The following GIGYF2 variants were observed in gnomAD, a reference collection of about 807,000 sequenced individuals.
GIGYF2 encodes GRB10 interacting GYF protein 2.
GIGYF2 carries 25 observed loss-of-function variants against 208.1 expected under a neutral mutation model. The ratio of observed to expected loss-of-function variants is 0.12; its 90% confidence interval spans 0.09 to 0.17. The LOEUF (loss-of-function observed/expected upper bound fraction) is 0.17, where lower values mean the gene tolerates loss of function less well. Ranked by LOEUF, GIGYF2 falls within the 10% of genes least tolerant of loss-of-function variation. The probability of loss-of-function intolerance (pLI) is 1.00; values close to 1 mark genes in which losing one functional copy is unlikely to be tolerated. For missense variants in GIGYF2, 1,302 were observed against 1,579.4 expected (o/e 0.82, Z 2.98); for synonymous variants, 534 against 543.8 (o/e 0.98, Z 0.25).
At chr2:232,746,659 A>G (rs966820042) in intron 3 of GIGYF2, among the ~76,000 whole-genome samples, 5 of 152,184 alleles carry the variant, frequency 3.3e-5, no homozygotes, top group African/African-American at 1.2e-4. Context: ...CTTTAGAGGC[A>G]ACTTTTCTTA....
intron 5 of GIGYF2, among the ~76,000 whole-genome samples, chr2:232,750,516 A>C (rs1698298423): frequency 6.6e-6 from 1 of 152,230 alleles, no homozygotes; most frequent in African/African-American, 2.4e-5. Flanking sequence ...CTGTACTTCC[A>C]ACATCAAGTA....
At chr2:232,754,760 C>G (rs759230535) in intron 5 of GIGYF2, among the ~76,000 whole-genome samples, 1 of 151,856 alleles carries the variant, frequency 6.6e-6, no homozygotes, top group Non-Finnish European at 1.5e-5. Flanking sequence ...TTATTAAGTA[C>G]ATTTTATTAT....
chr2:232,804,759 C>A (rs756685639), intron 14 of GIGYF2, among the ~76,000 whole-genome samples: 25 of 152,194 alleles, frequency 1.6e-4, no homozygotes, highest in Non-Finnish European at 3.5e-4. Context: ...TCCTAAAATG[C>A]TGGAATTAGA....
intron 23 of GIGYF2, among the ~76,000 whole-genome samples, chr2:232,843,653 C>T (rs764845513): frequency 2.0e-5 from 3 of 151,094 alleles, no homozygotes; most frequent in Admixed American, 6.6e-5. Context: ...GTGGGCAGAT[C>T]GCTTGAGGCC....
chr2:232,709,136 A>T (rs1696267040), intron 2 of GIGYF2, among the ~76,000 whole-genome samples: 1 of 152,182 alleles, frequency 6.6e-6, no homozygotes, highest in South Asian at 2.1e-4. Flanking sequence ...AAAGAAAAAA[A>T]AGTTACTTGT....
intron 15 of GIGYF2, 31 bp from the exon 16 acceptor site, chr2:232,809,689 G>C: frequency 7.9e-7 from 1 of 1,269,940 alleles, no homozygotes; most frequent in Admixed American, 1.7e-5. Context: ...TTTATTTAAT[G>C]GTATTTATTT....
intron 2 of GIGYF2, among the ~76,000 whole-genome samples, chr2:232,712,211 A>G (rs1574777337): frequency 6.6e-6 from 1 of 152,186 alleles, no homozygotes; most frequent in African/African-American, 2.4e-5. Context: ...CTGGACACCC[A>G]TATTGTGTGC....
chr2:232,726,419 C>T (rs1282446262), intron 2 of GIGYF2, among the ~76,000 whole-genome samples: 1 of 151,160 alleles, frequency 6.6e-6, no homozygotes, highest in African/African-American at 2.4e-5. Context: ...CTCCCCACCG[C>T]CAAATACCCT....
At position 232,823,131 on chromosome 2, in the gene GIGYF2, AATT is replaced by A. The variant is rs530323050; in HGVS notation, c.2529+3151_2529+3153del. On this transcript the variant is annotated intron_variant, in intron 21 of 28. Coordinates refer to ENST00000373563, the MANE Select transcript of GIGYF2 (RefSeq NM_001103146.3). ...GTTTTTTCATTCTGCTTATATGGTGAATTATTAATATTAATATTAATAACTGAG... is the reference window on the plus strand; with the variant it reads ...GTTTTTTCATTCTGCTTATATGGTGAATTAATATTAATATTAATAACTGAG... Among the ~76,000 whole-genome samples the A allele has an allele frequency of 8.5e-4, 129 of 152,174 alleles. 1 individual carries two copies. The highest frequency in any genetic ancestry group is 3.9e-3 in the East Asian group (20 of 5,178).
intron 19 of GIGYF2, among the ~76,000 whole-genome samples, chr2:232,816,508 T>A (rs1488478028): frequency 6.6e-6 from 1 of 152,178 alleles, no homozygotes; most frequent in Non-Finnish European, 1.5e-5. Context: ...GATGTTACTC[T>A]CATGGGTGGT....
intron 2 of GIGYF2, among the ~76,000 whole-genome samples, chr2:232,724,983 T>C (rs1374652930): frequency 2.0e-5 from 3 of 152,216 alleles, no homozygotes; most frequent in African/African-American, 7.2e-5. Context: ...GTATTAACAT[T>C]TTGGGGCATA....
intron 2 of GIGYF2, among the ~76,000 whole-genome samples, chr2:232,714,437 G>A (rs906994548): frequency 5.9e-5 from 9 of 151,988 alleles, no homozygotes; most frequent in Admixed American, 1.3e-4. Context: ...AAATATTAAA[G>A]CTTAGTCTTG....
At chr2:232,821,986 A>G (rs1195495644) in intron 21 of GIGYF2, among the ~76,000 whole-genome samples, 1 of 149,826 alleles carries the variant, frequency 6.7e-6, no homozygotes, top group African/African-American at 2.5e-5. Flanking sequence ...TTCCATTGAT[A>G]AGTTTGCCTG....
intron 6 of GIGYF2, among the ~76,000 whole-genome samples, chr2:232,759,863 A>G (rs1559409058): frequency 6.6e-6 from 1 of 151,718 alleles, no homozygotes; most frequent in Non-Finnish European, 1.5e-5. Flanking sequence ...ATGCCCAGAC[A>G]CTCTACCAGC....
At chr2:232,751,076 C>T (rs1698321546) in intron 5 of GIGYF2, among the ~76,000 whole-genome samples, 1 of 152,210 alleles carries the variant, frequency 6.6e-6, no homozygotes, top group South Asian at 2.1e-4. Context: ...ATTCTCCTAC[C>T]TCAGCCTCTC....
chr2:232,792,811 G>A (rs1484890317), intron 12 of GIGYF2, among the ~76,000 whole-genome samples: 1 of 152,128 alleles, frequency 6.6e-6, no homozygotes, highest in African/African-American at 2.4e-5. Context: ...TTGAATGTAC[G>A]TGCTTGAAGC....
At chr2:232,745,748 T>C (rs550480212) in intron 3 of GIGYF2, among the ~76,000 whole-genome samples, 1 of 152,248 alleles carries the variant, frequency 6.6e-6, no homozygotes, top group African/African-American at 2.4e-5. Context: ...AACCAAGCAT[T>C]GATCATAAAT....
At chr2:232,818,162 T>G (rs886646074) in intron 20 of GIGYF2, among the ~76,000 whole-genome samples, 2 of 152,254 alleles carry the variant, frequency 1.3e-5, no homozygotes, top group African/African-American at 4.8e-5. Context: ...TCTTTTCACA[T>G]GCTTATTGAC....
intron 28 of GIGYF2, among the ~76,000 whole-genome samples, chr2:232,852,020 C>A (rs1690353820): frequency 6.6e-6 from 1 of 152,116 alleles, no homozygotes. Flanking sequence ...TTGCCATTTG[C>A]TGTGAAATGA....
Sources: gnomAD v4.1 joint callset for allele counts (sites outside exome capture counted in the v4.1 genomes callset) on GRCh38, gnomAD v4.1.1 for gene constraint, MANE v1.5 for transcripts, NCBI Gene and HGNC (gene_info 2026-07-23, HGNC 2026-07-21) for gene names.